Variants in HMGA2 observed in about 807,000 individuals in gnomAD.
HMGA2 encodes high mobility group protein HMGI-C.
A neutral mutation model predicts 19.1 loss-of-function variants in HMGA2; 8 were observed. The ratio of observed to expected loss-of-function variants is 0.42; its 90% CI spans 0.25 to 0.76. The LOEUF (loss-of-function observed/expected upper bound fraction) is 0.76. Among genes scored for constraint, HMGA2 ranks in the 30% least tolerant of loss-of-function variants. The probability of loss-of-function intolerance (pLI) is 0.28; values close to 1 mark genes in which losing one functional copy is unlikely to be tolerated. For synonymous variants in HMGA2, 60 were observed against 48.8 expected (o/e 1.23, Z -0.96); for missense variants, 109 against 136.3 (o/e 0.80, Z 1.00).
chr12:65,906,999 G>A (rs1031635642), intron 3 of HMGA2, among the ~76,000 whole-genome samples: 1 of 152,160 alleles, frequency 6.6e-6, no homozygotes, highest in African/African-American at 2.4e-5. Context: ...ATCACCTCCA[G>A]TGTGCCAGGA....
At chr12:65,863,535 A>C (rs1201805433) in intron 3 of HMGA2, among the ~76,000 whole-genome samples, 3 of 152,188 alleles carry the variant, frequency 2.0e-5, no homozygotes, top group African/African-American at 7.2e-5. Context: ...TGGTGTGTTT[A>C]CACTGACTGC....
chr12:65,868,762 A>C (rs1418839509), intron 3 of HMGA2, among the ~76,000 whole-genome samples: 1 of 152,190 alleles, frequency 6.6e-6, no homozygotes, highest in Non-Finnish European at 1.5e-5. Context: ...AACTCTCACT[A>C]GAATCTATAG....
intron 3 of HMGA2, among the ~76,000 whole-genome samples, chr12:65,896,133 G>A (rs1383601148): frequency 6.6e-6 from 1 of 152,176 alleles, no homozygotes; most frequent in Non-Finnish European, 1.5e-5. Context: ...CAGACTAATG[G>A]TTTTGGGGTT....
At chr12:65,886,840 T>C (rs1235715678) in intron 3 of HMGA2, among the ~76,000 whole-genome samples, 2 of 152,204 alleles carry the variant, frequency 1.3e-5, no homozygotes, top group African/African-American at 2.4e-5. Flanking sequence ...CAGCGGTCAC[T>C]TTCACTCTAT....
intron 3 of HMGA2, among the ~76,000 whole-genome samples, chr12:65,865,194 G>GA: frequency 6.6e-6 from 1 of 152,118 alleles, no homozygotes; most frequent in East Asian, 1.9e-4. Flanking sequence ...CAAAATATGT[G>GA]TTAATCGACT....
chr12:65,949,511 G>C (rs879942585), intron 3 of HMGA2, among the ~76,000 whole-genome samples: 1 of 152,170 alleles, frequency 6.6e-6, no homozygotes, highest in Non-Finnish European at 1.5e-5. Context: ...GCGATGTGTA[G>C]ATAGAATAAT....
chr12:65,891,351 G>A (rs1873902961), intron 3 of HMGA2, among the ~76,000 whole-genome samples: 1 of 152,206 alleles, frequency 6.6e-6, no homozygotes, highest in Admixed American at 6.5e-5. Context: ...GCAGATGTAA[G>A]TAGGGGATAA....
Position 65,839,206 on chromosome 12 carries a change from C to G in HMGA2, c.249+637C>G, listed in dbSNP as rs553468370. ...ACCTGATCCTATAGGCACACAGATC[C>G]TGTATCTTTTGAGGCCAGAAATTCA... On this transcript the variant is annotated intron_variant, in intron 3 of 4. Transcript: ENST00000403681. 5.3e-5 allele frequency among the ~76,000 whole-genome samples: 8 copies of G among 152,116 alleles called. No individual in the cohort carries two copies. In the South Asian group the frequency reaches 1.5e-3, roughly 28 times the overall value.
chr12:65,825,475 T>G lies in HMGA2; in HGVS notation c.111+94T>G. 2.4e-6 allele frequency: 2 copies of G among 831,288 alleles called. No individual in the cohort carries two copies. The highest frequency in any genetic ancestry group is 3.3e-6 in the Non-Finnish European group (2 of 609,194). The allele number at this position is 831,288 out of a possible 1,614,324, so 51.5% of individuals were successfully genotyped here. ...GGGCGGCCGGAGTGCGGGAGCCCAG[T>G]CGCCGCGGCCGTCGCACACTGCCCG... On this transcript the variant is annotated intron_variant, in intron 1 of 4. Coordinates refer to ENST00000403681, the MANE Select transcript of HMGA2 (RefSeq NM_003483.6). This position sits in a 1 kb window ranked among gnomAD's most constrained non-coding sequence, Gnocchi z 4.4.
At chr12:65,870,503 G>A (rs1418575907) in intron 3 of HMGA2, among the ~76,000 whole-genome samples, 1 of 152,134 alleles carries the variant, frequency 6.6e-6, no homozygotes, top group East Asian at 1.9e-4. Context: ...GGCCGAGGCA[G>A]GCAGATCACC....
chr12:65,884,526 A>G (rs1873577536), intron 3 of HMGA2, among the ~76,000 whole-genome samples: 1 of 152,216 alleles, frequency 6.6e-6, no homozygotes, highest in African/African-American at 2.4e-5. Context: ...TTTGCTGTCA[A>G]GGGCAAAATT....
At chr12:65,957,713 A>T (rs904015683) in intron 4 of HMGA2, 1 of 152,184 alleles carries the variant, frequency 6.6e-6, no homozygotes, top group African/African-American at 2.4e-5. Flanking sequence ...TTTTAAAAAA[A>T]TGGCCCTTTA....
chr12:65,943,743 A>G (rs1876168195), intron 3 of HMGA2, among the ~76,000 whole-genome samples: 1 of 152,174 alleles, frequency 6.6e-6, no homozygotes, highest in Non-Finnish European at 1.5e-5. Flanking sequence ...CCTTTGCACC[A>G]TAAGGGCCAG....
At chr12:65,911,703 G>A (rs1874852851) in intron 3 of HMGA2, among the ~76,000 whole-genome samples, 1 of 151,958 alleles carries the variant, frequency 6.6e-6, no homozygotes. Flanking sequence ...TTACATTTGG[G>A]GCCCCTTTTG....
At position 65,914,644 on chromosome 12, in the gene HMGA2, TA is replaced by T. The variant is rs541291610; in HGVS notation, c.250-36730del. Reference sequence around the variant, plus strand: ...TGTACCCTAAAACTTAAAGTATAATTAAAAAAAAATGTTTTGGTTGTTTGTT... The same window carrying T: ...TGTACCCTAAAACTTAAAGTATAATTAAAAAAAATGTTTTGGTTGTTTGTT... On this transcript the variant is annotated intron_variant, in intron 3 of 4. Transcript: ENST00000403681. 1,343 of 282,058 alleles carry T rather than the reference TA, an allele frequency of 4.8e-3. 17 individuals are homozygous for T. Among genetic ancestry groups the T allele is most frequent in the African/African-American group, 0.024 (1,079 of 45,866 alleles). 17.5% of individuals were successfully genotyped at this position (282,058 alleles called of 1,614,324 possible). A position where few individuals can be genotyped will look rare whatever the true frequency, so the allele number is the denominator to read the frequency against.
At chr12:65,921,188 T>G (rs1340904736) in intron 3 of HMGA2, among the ~76,000 whole-genome samples, 1 of 152,224 alleles carries the variant, frequency 6.6e-6, no homozygotes, top group Non-Finnish European at 1.5e-5. Flanking sequence ...TAGAGTATCT[T>G]GCAGAAGAAA....
Position 65,883,646 on chromosome 12 carries a change from A to C in HMGA2, c.249+45077A>C, listed in dbSNP as rs1252918727. Among the ~76,000 whole-genome samples, 3 of 152,026 alleles carry C rather than the reference A, an allele frequency of 2.0e-5. No individual in the cohort carries two copies. In the East Asian group the frequency reaches 5.8e-4, roughly 29 times the overall value. ...AATGTCTATGCACTGCTTTTTTTTCACCTGCAAATCAAGGGCTGTACTAAC... is the reference window on the plus strand; with the variant it reads ...AATGTCTATGCACTGCTTTTTTTTCCCCTGCAAATCAAGGGCTGTACTAAC... On this transcript the variant is annotated intron_variant, in intron 3 of 4. Transcript: ENST00000403681.
At chr12:65,898,325 C>T (rs1874221784) in intron 3 of HMGA2, among the ~76,000 whole-genome samples, 1 of 151,860 alleles carries the variant, frequency 6.6e-6, no homozygotes, top group African/African-American at 2.4e-5. Flanking sequence ...TTGATTAATG[C>T]TTTTTGTTAT....
In HMGA2 at chr12:65,825,208, G is replaced by A; in HGVS notation, c.-63G>A. ...ATCACCTCATCTCCCGAAAGGTGCT[G>A]GGCAGCTCCGGGGCGGTCGAGGCGA... On this transcript the variant is annotated 5_prime_UTR_variant, in exon 1 of 5. Coordinates refer to ENST00000403681, the MANE Select transcript of HMGA2 (RefSeq NM_003483.6). This position sits in a 1 kb window ranked among gnomAD's most constrained non-coding sequence, Gnocchi z 4.4. The A allele has an allele frequency of 7.1e-7, 1 of 1,402,696 alleles. No homozygotes were observed. The highest frequency in any genetic ancestry group is 1.3e-5 in the South Asian group (1 of 79,654). The allele number at this position is 1,402,696 out of a possible 1,614,324, so 86.9% of individuals were successfully genotyped here.
Sources: gnomAD v4.1 joint callset for allele counts (sites outside exome capture counted in the v4.1 genomes callset) on GRCh38, gnomAD v4.1.1 for gene constraint, Gnocchi (gnomAD v3.1) non-coding constraint, MANE v1.5 for transcripts, NCBI Gene and HGNC (gene_info 2026-07-23, HGNC 2026-07-21) for gene names.